Variants in CLCN7 observed in about 807,000 individuals in gnomAD.
The protein encoded by CLCN7 is H(+)/Cl(-) exchange transporter 7.
Under a neutral mutation model 102.1 loss-of-function variants are expected in CLCN7, and 60 were observed. The ratio of observed to expected loss-of-function variants is 0.59; its 90% CI spans 0.48 to 0.73. CLCN7 has a LOEUF of 0.73. Among genes scored for constraint, CLCN7 ranks in the 30% least tolerant of loss-of-function variants. The pLI, the probability that CLCN7 is intolerant of heterozygous loss-of-function variation, is 0.00. For missense variants in CLCN7, 962 were observed against 1,125.7 expected, an observed-to-expected ratio of 0.85 and a Z score of 2.08; for synonymous variants, 560 against 490.5, an observed-to-expected ratio of 1.14 and a Z score of -1.87.
rs1425770689 is a variant in CLCN7, at chr16:1,474,501, GGGCCAGTCTGGGGGACACC to G, written c.141+314_141+332del. ...ACAGAAAGCCACTTGCACCCCTTTA[GGGCCAGTCTGGGGGACACC>G]GGAGGGAATGAACGTGCGCCACGGC... On this transcript the variant is annotated intron_variant, in intron 1 of 24. Transcript: ENST00000382745. 8 of 339,094 alleles carry G rather than the reference GGGCCAGTCTGGGGGACACC, an allele frequency of 2.4e-5. 1 individual carries two copies. The East Asian group carries it at 2.6e-4, about 11-fold the overall frequency. The allele number at this position is 339,094 out of a possible 1,614,324, so 21.0% of individuals were successfully genotyped here.
chr16:1,469,050 A>T (rs955613999), intron 1 of CLCN7, among the ~76,000 whole-genome samples: 3 of 151,452 alleles, frequency 2.0e-5, no homozygotes, highest in Non-Finnish European at 4.4e-5. Flanking sequence ...AAAAAAAAAA[A>T]AAAAAATTAG....
Position 1,449,305 on chromosome 16 carries a change from T to C in CLCN7, c.1640A>G (p.Tyr547Cys), listed in dbSNP as rs1354175976. The change falls in exon 18 of 25, where the codon TAC becomes TGC. Residue 547 changes from tyrosine (Y) to cysteine (C), a missense_variant. Physicochemically the swap from Tyr to Cys is radical, Grantham distance 194 (BLOSUM62 -2). This residue lies in a region of CLCN7 where 799 missense variants were observed against 988.0 expected (regional missense o/e 0.81). Coordinates refer to ENST00000382745, the MANE Select transcript of CLCN7 (RefSeq NM_001287.6). ...GAAIWADPGK[Y>C]ALMGAAAQLG... is the part of the protein sequence containing the mutation. ...CTGGGCAGCAGCTCCCATCAGGGCG[T>C]ATTTGCCGGGGTCCGCCCAGATCTG... The C allele has an allele frequency of 6.9e-6, 11 of 1,588,520 alleles. No individual in the cohort carries two copies. Among genetic ancestry groups the C allele is most frequent in the Non-Finnish European group, 9.4e-6 (11 of 1,167,972 alleles).
chr16:1,468,606 AACAG>A (rs1433490254), intron 1 of CLCN7, among the ~76,000 whole-genome samples: 1 of 152,158 alleles, frequency 6.6e-6, no homozygotes, highest in Admixed American at 6.5e-5. Context: ...ACTAACTAAA[AACAG>A]ACAGGCTCAG....
At position 1,460,963 on chromosome 16, in the gene CLCN7, C is replaced by T; in HGVS notation, c.352-15G>A. 1 of 1,611,788 alleles carries T rather than the reference C, an allele frequency of 6.2e-7. No individual in the cohort carries two copies. Among genetic ancestry groups the T allele is most frequent in the Non-Finnish European group, 8.5e-7 (1 of 1,179,776 alleles). ...GTCCGGAAGGCCTGCAGGGCGCGGT[C>T]AGGGCGAGGGTCAGGCAGGGCCCTG... On this transcript the variant is annotated splice_polypyrimidine_tract_variant and intron_variant, in intron 4 of 24. Transcript: ENST00000382745.
intron 1 of CLCN7, among the ~76,000 whole-genome samples, chr16:1,473,836 C>A (rs2039112746): frequency 6.6e-6 from 1 of 152,066 alleles, no homozygotes; most frequent in Non-Finnish European, 1.5e-5. Context: ...GTAATCCCAG[C>A]ACTTTGGGAG....
At position 1,455,202 on chromosome 16, in the gene CLCN7, T is replaced by A. The variant is rs768337253; in HGVS notation, c.1030A>T (p.Ile344Phe). Residue 344 changes from isoleucine (I) to phenylalanine (F), a missense_variant, in exon 12 of 25, where the codon ATT (isoleucine) becomes TTT (phenylalanine). Ile to Phe is a conservative substitution (Grantham distance 21). Transcript: ENST00000382745. ...STFTLNFVLS[I>F]YHGNMWDLSS... is the part of the protein sequence containing the mutation. ...AGGTCCCACATGTTCCCGTGGTAAATGCTCAGAACAAAATTCAGGGTGAAC... is the reference window on the plus strand; with the variant it reads ...AGGTCCCACATGTTCCCGTGGTAAAAGCTCAGAACAAAATTCAGGGTGAAC... 2 of 1,613,830 alleles carry A rather than the reference T, an allele frequency of 1.2e-6. No homozygotes were observed. Among genetic ancestry groups the A allele is most frequent in the Admixed American group, 1.7e-5 (1 of 60,010 alleles).
intron 2 of CLCN7, among the ~76,000 whole-genome samples, chr16:1,462,715 C>T (rs538185916): frequency 6.8e-6 from 1 of 146,624 alleles, no homozygotes; most frequent in Admixed American, 6.7e-5. Flanking sequence ...ATGAAGATGG[C>T]CACAAAAGAA....
chr16:1,459,076 C>T, intron 7 of CLCN7, 31 bp downstream of exon 7: 1 of 1,586,952 alleles, frequency 6.3e-7, no homozygotes, highest in Non-Finnish European at 8.6e-7. Context: ...CGGGCGCCCA[C>T]CCTGCCCAGC....
At chr16:1,454,149 A>G (rs913149353) in intron 13 of CLCN7, among the ~76,000 whole-genome samples, 2 of 152,270 alleles carry the variant, frequency 1.3e-5, no homozygotes, top group South Asian at 2.1e-4. Context: ...GAGCAATTCT[A>G]TCTCTTACAG....
In CLCN7 at chr16:1,460,353, G is replaced by A. The variant is rs2038913576; in HGVS notation, c.594+65C>T. 16 of 1,204,542 alleles carry A rather than the reference G, an allele frequency of 1.3e-5. 1 individual carries two copies. Among genetic ancestry groups the A allele is most frequent in the South Asian group, 6.1e-5 (5 of 82,640 alleles). The allele number at this position is 1,204,542 out of a possible 1,614,324, so 74.6% of individuals were successfully genotyped here. A position where few individuals can be genotyped will look rare whatever the true frequency, so the allele number is the denominator to read the frequency against. ...GGGTGGGTGAGCTGCAGGGGTTCCC[G>A]CCCATTCACCAAGACCCCCAATCCT... On this transcript the variant is annotated intron_variant, in intron 6 of 24. Coordinates refer to ENST00000382745, the MANE Select transcript of CLCN7 (RefSeq NM_001287.6).
At chr16:1,468,785 G>C (rs1052409703) in intron 1 of CLCN7, among the ~76,000 whole-genome samples, 2 of 152,152 alleles carry the variant, frequency 1.3e-5, no homozygotes, top group Admixed American at 6.5e-5. Flanking sequence ...CACTCTCTTG[G>C]TTTTGGGGCT....
At position 1,450,479 on chromosome 16, in the gene CLCN7, C is replaced by A. The variant is rs1310266427; in HGVS notation, c.1617+18G>T. 1.9e-6 allele frequency: 3 copies of A among 1,583,076 alleles called. No individual in the cohort carries two copies. The highest frequency in any genetic ancestry group is 2.6e-6 in the Non-Finnish European group (3 of 1,165,514). The stretch of plus-strand genomic sequence containing the variant: ...CTCAGCTGCAGGGCCCCACAGCCTC[C>A]CCTCCGGCCCCACTCACCGCCGCCC... On this transcript the variant is annotated intron_variant, in intron 17 of 24. Coordinates refer to ENST00000382745, the MANE Select transcript of CLCN7 (RefSeq NM_001287.6).
At position 1,447,388 on chromosome 16, in the gene CLCN7, A is replaced by T. The variant is rs1468475693; in HGVS notation, c.2250+4T>A. 1 of 1,546,524 alleles carries T rather than the reference A, an allele frequency of 6.5e-7. No individual in the cohort carries two copies. Among genetic ancestry groups the T allele is most frequent in the East Asian group, 2.4e-5 (1 of 40,822 alleles). ...CCACGCCCATGCCCATGCCCTGCAC[A>T]TGCCTGGGGCACCGTGTAGGGGGAG... is the stretch of plus-strand genomic sequence containing the variant. On this transcript the variant is annotated splice_donor_region_variant and intron_variant, in intron 23 of 24. Transcript: ENST00000382745.
intron 1 of CLCN7, among the ~76,000 whole-genome samples, chr16:1,465,552 G>A (rs1002441659): frequency 3.9e-5 from 6 of 152,200 alleles, no homozygotes; most frequent in Non-Finnish European, 5.9e-5. Context: ...CCCTCGGCCT[G>A]TCAGCGACAC....
intron 1 of CLCN7, among the ~76,000 whole-genome samples, chr16:1,474,002 T>G (rs1051142571): frequency 5.3e-5 from 8 of 151,654 alleles, no homozygotes; most frequent in African/African-American, 1.9e-4. Flanking sequence ...GAGAGTCACT[T>G]AAACTCGGGA....
rs545014420 is a variant in CLCN7 at position 1,457,073 on chromosome 16, G to A, written c.822+181C>T. Among the ~76,000 whole-genome samples the A allele has an allele frequency of 1.6e-4, 24 of 152,286 alleles. No homozygotes were observed. The South Asian group carries it at 1.7e-3, about 11-fold the overall frequency. Reference sequence around the variant, plus strand: ...GACCCAAGGAGGGAAGCAGCGGGCCGTAGGGAGGCCTTGCCGGGCAGGGAC... The same window carrying A: ...GACCCAAGGAGGGAAGCAGCGGGCCATAGGGAGGCCTTGCCGGGCAGGGAC... On this transcript the variant is annotated intron_variant, in intron 9 of 24. Transcript: ENST00000382745. The surrounding 1 kb of genome is among the most constrained non-coding windows in gnomAD (Gnocchi z 5.4).
chr16:1,465,375 G>T, intron 1 of CLCN7, 37 bp from the exon 2 acceptor site: 1 of 1,570,198 alleles, frequency 6.4e-7, no homozygotes. Flanking sequence ...GCGCTCAGGC[G>T]TCGCACGCTC....
chr16:1,450,270 C>T (rs997017486), intron 17 of CLCN7: 22 of 591,420 alleles, frequency 3.7e-5, no homozygotes, highest in East Asian at 2.5e-4. Context: ...CCCCTACCTT[C>T]GCCTGGTCCA....
At position 1,446,735 on chromosome 16, in the gene CLCN7, G is replaced by A; in HGVS notation, c.2332-18C>T. 6.4e-7 allele frequency: 1 copy of A among 1,564,750 alleles called. No individual in the cohort carries two copies. The highest frequency in any genetic ancestry group is 8.7e-7 in the Non-Finnish European group (1 of 1,153,100). ...CCGACAACCTGCAGGACAAGTCCAG[G>A]CCACAGTGACACACGGGTCGGCTCC... On this transcript the variant is annotated intron_variant, in intron 24 of 24. Transcript: ENST00000382745.
Sources: gnomAD v4.1 joint callset for allele counts (sites outside exome capture counted in the v4.1 genomes callset) on GRCh38, gnomAD v4.1.1 for gene constraint, gnomAD v4.1.1 regional missense constraint, Gnocchi (gnomAD v3.1) non-coding constraint, MANE v1.5 for transcripts, NCBI Gene and HGNC (gene_info 2026-07-23, HGNC 2026-07-21) for gene names.